The following CAD variants were observed in gnomAD, a reference collection of about 807,000 sequenced individuals.
CAD encodes the protein multifunctional protein CAD.
CAD carries 81 observed loss-of-function variants against 237.2 expected under a neutral mutation model. The ratio of observed to expected loss-of-function variants is 0.34; its 90% CI spans 0.29 to 0.41. The LOEUF (loss-of-function observed/expected upper bound fraction) is 0.41, where lower values mean the gene tolerates loss of function less well. Ranked by LOEUF, CAD falls within the 10% of genes least tolerant of loss-of-function variation. CAD has a pLI of 1.00. For synonymous variants in CAD, 1,196 were observed against 1,162.8 expected, an observed-to-expected ratio of 1.03 and a Z score of -0.58; for missense variants, 2,181 against 2,951.7, an observed-to-expected ratio of 0.74 and a Z score of 6.05.
intron 1 of CAD, 89 bp downstream of exon 1, chr2:27,217,722 C>G: frequency 7.0e-7 from 1 of 1,432,436 alleles, no homozygotes; most frequent in Non-Finnish European, 9.5e-7. Context: ...CCGCCATTTT[C>G]CCGCCAGCGT....
At chr2:27,238,231 G>A in intron 30 of CAD, 44 bp downstream of exon 30, 1 of 1,605,380 alleles carries the variant, frequency 6.2e-7, no homozygotes, top group Non-Finnish European at 8.5e-7. Flanking sequence ...TGCTTTCCCA[G>A]TAACACCAAA....
At position 27,243,608 on chromosome 2, in the gene CAD, C is replaced by T; in HGVS notation, c.*90C>T. ...TACGGGGGCAGCACACTTAGATATT[C>T]CTGGACATCCAGATAGCTCACATGT... is the stretch of plus-strand genomic sequence containing the variant. On this transcript the variant is annotated 3_prime_UTR_variant, in exon 44 of 44. Coordinates refer to ENST00000264705, the MANE Select transcript of CAD (RefSeq NM_004341.5). 1 of 974,118 alleles carries T rather than the reference C, an allele frequency of 1.0e-6. No individual in the cohort carries two copies. Among genetic ancestry groups the T allele is most frequent in the South Asian group, 1.5e-5 (1 of 67,678 alleles). 60.3% of individuals were successfully genotyped at this position (974,118 alleles called of 1,614,324 possible).
At chr2:27,230,119 T>G (rs979915544) in intron 15 of CAD, among the ~76,000 whole-genome samples, 4 of 151,828 alleles carry the variant, frequency 2.6e-5, no homozygotes, top group African/African-American at 9.7e-5. Context: ...GTGCCTGTAA[T>G]CCCAGCTACT....
Position 27,243,688 on chromosome 2 carries a change from CAG to C in CAD, c.*172_*173del. 1.6e-6 allele frequency: 1 copy of C among 617,264 alleles called. No individual in the cohort carries two copies. Among genetic ancestry groups the C allele is most frequent in the Non-Finnish European group, 2.9e-6 (1 of 347,894 alleles). The allele number at this position is 617,264 out of a possible 1,614,324, so 38.2% of individuals were successfully genotyped here. On this transcript the variant is annotated 3_prime_UTR_variant, in exon 44 of 44. Transcript: ENST00000264705. ...GCTCTCTGGCATGGGGGTGGGGCCT[CAG>C]ATGCTGGGGCCCAGTCTGCCCCATC...
Position 27,236,224 on chromosome 2 carries a change from G to A in CAD, c.4075-60G>A. 1.3e-6 allele frequency: 2 copies of A among 1,592,284 alleles called. No homozygotes were observed. The highest frequency in any genetic ancestry group is 2.2e-5 in the East Asian group (1 of 44,644). On this transcript the variant is annotated intron_variant, in intron 25 of 43. Coordinates refer to ENST00000264705, the MANE Select transcript of CAD (RefSeq NM_004341.5). This position sits in a 1 kb window ranked among gnomAD's most constrained non-coding sequence, Gnocchi z 4.1. The stretch of plus-strand genomic sequence containing the variant: ...TCCTGGGCCAGCTCCTCTCCCTTAA[G>A]GCTAGCCTTCCTGACCGCTGCCAGA...
rs1404687446 is a variant in CAD at position 27,234,535 on chromosome 2, T to C, written c.3636T>C (p.Val1212=). ...QLIAKDDQLK[V]IECNVRVSRS... ...TGCCCCAGGATGACCAGCTGAAAGT[T>C]ATTGAATGCAACGTACGTGTCTCTC... Residue 1212 remains valine (V), a synonymous_variant, in exon 23 of 44, where the codon GTT becomes GTC. Transcript: ENST00000264705. The C allele has an allele frequency of 1.2e-6, 2 of 1,613,838 alleles. No individual in the cohort carries two copies. The highest frequency in any genetic ancestry group is 1.7e-6 in the Non-Finnish European group (2 of 1,179,886).
chr2:27,225,259 G>A lies in CAD; in HGVS notation c.1620+16G>A, dbSNP rs1276805747. 2.7e-6 allele frequency: 4 copies of A among 1,492,054 alleles called. No homozygotes were observed. The Admixed American group carries it at 6.9e-5, about 26-fold the overall frequency. 92.4% of individuals were successfully genotyped at this position (1,492,054 alleles called of 1,614,324 possible). Reference sequence around the variant, plus strand: ...TCTTGAACAGGTTGGAGGGGTGTTTGGGTAAAGGAAGAATGGTGGTGTTTT... The same window carrying A: ...TCTTGAACAGGTTGGAGGGGTGTTTAGGTAAAGGAAGAATGGTGGTGTTTT... On this transcript the variant is annotated intron_variant, in intron 11 of 43. Transcript: ENST00000264705.
At chr2:27,234,780 C>G in intron 23 of CAD, 95 bp downstream of exon 23, 2 of 1,215,430 alleles carry the variant, frequency 1.6e-6, no homozygotes, top group Non-Finnish European at 2.3e-6. Context: ...CAGGCACTGA[C>G]TGCAAGGCAT....
intron 2 of CAD, among the ~76,000 whole-genome samples, chr2:27,220,526 T>G (rs1188271961): frequency 6.6e-6 from 1 of 151,960 alleles, no homozygotes; most frequent in Non-Finnish European, 1.5e-5. Context: ...GATCCACACC[T>G]GTGGTCCCAA....
chr2:27,224,640 G>A, intron 9 of CAD, 105 bp from the exon 10 acceptor site: 5 of 1,541,162 alleles, frequency 3.2e-6, no homozygotes, highest in Non-Finnish European at 4.4e-6. Context: ...TCAATTATTA[G>A]GGGCCAAGAG....
Position 27,243,615 on chromosome 2 carries a change from A to T in CAD, c.*97A>T, listed in dbSNP as rs1205460363. The T allele has an allele frequency of 9.6e-6, 9 of 933,494 alleles. No homozygotes were observed. Among genetic ancestry groups the T allele is most frequent in the Non-Finnish European group, 1.0e-5 (6 of 602,482 alleles). The allele number at this position is 933,494 out of a possible 1,614,324, so 57.8% of individuals were successfully genotyped here. A position where few individuals can be genotyped will look rare whatever the true frequency, so the allele number is the denominator to read the frequency against. On this transcript the variant is annotated 3_prime_UTR_variant, in exon 44 of 44. Transcript: ENST00000264705. The stretch of plus-strand genomic sequence containing the variant: ...GCAGCACACTTAGATATTCCTGGAC[A>T]TCCAGATAGCTCACATGTGCTGACC...
At chr2:27,219,368 G>A (rs751338328) in intron 2 of CAD, among the ~76,000 whole-genome samples, 5 of 151,588 alleles carry the variant, frequency 3.3e-5, no homozygotes, top group East Asian at 3.9e-4. Flanking sequence ...TGGGGACAAG[G>A]TCTCACTTTG....
chr2:27,226,119 C>A lies in CAD; in HGVS notation c.1843-12C>A. ...TGCTTGGCAGTGACCTCCATGGCACCCCCCTTCACAGGTGTGTAACATGGA... is the reference window on the plus strand; with the variant it reads ...TGCTTGGCAGTGACCTCCATGGCACACCCCTTCACAGGTGTGTAACATGGA... On this transcript the variant is annotated splice_polypyrimidine_tract_variant and intron_variant, in intron 12 of 43. Coordinates refer to ENST00000264705, the MANE Select transcript of CAD (RefSeq NM_004341.5). 1 of 1,612,002 alleles carries A rather than the reference C, an allele frequency of 6.2e-7. No individual in the cohort carries two copies. Among genetic ancestry groups the A allele is most frequent in the Non-Finnish European group, 8.5e-7 (1 of 1,178,308 alleles).
Position 27,236,161 on chromosome 2 carries a change from T to G in CAD, c.4075-123T>G. 1 of 1,303,638 alleles carries G rather than the reference T, an allele frequency of 7.7e-7. No homozygotes were observed. Among genetic ancestry groups the G allele is most frequent in the South Asian group, 1.4e-5 (1 of 69,380 alleles). The allele number at this position is 1,303,638 out of a possible 1,614,324, so 80.8% of individuals were successfully genotyped here. The stretch of plus-strand genomic sequence containing the variant: ...AGTATCAAATAGAGGCAGCCCTCAG[T>G]GCCCACCCTATGGGTCCTCAGTCTC... On this transcript the variant is annotated intron_variant, in intron 25 of 43. Coordinates refer to ENST00000264705, the MANE Select transcript of CAD (RefSeq NM_004341.5). This position sits in a 1 kb window ranked among gnomAD's most constrained non-coding sequence, Gnocchi z 4.1.
At chr2:27,229,901 A>G (rs1435042566) in intron 15 of CAD, among the ~76,000 whole-genome samples, 1 of 151,124 alleles carries the variant, frequency 6.6e-6, no homozygotes, top group African/African-American at 2.4e-5. Flanking sequence ...AAAAAGCTAA[A>G]TGTCCTTCAG....
In CAD at chr2:27,235,637, C is replaced by G. The variant is rs749479741; in HGVS notation, c.4071C>G (p.Val1357=). The G allele has an allele frequency of 1.9e-6, 3 of 1,613,764 alleles. No individual in the cohort carries two copies. The highest frequency in any genetic ancestry group is 1.7e-5 in the Admixed American group (1 of 59,986). Residue 1357 remains valine, a synonymous_variant, in exon 25 of 44, where the codon GTC becomes GTG. Transcript: ENST00000264705. This position sits in a 1 kb window ranked among gnomAD's most constrained non-coding sequence, Gnocchi z 5.2. ...CTGACTTCTACACTGAGCATGGCGT[C>G]AAGGTGCAGGAACTCTGGCAACCTA... is the stretch of plus-strand genomic sequence containing the variant. ...GTADFYTEHG[V]KVTAVDWHFE... is the part of the protein sequence containing the mutation.
In CAD at chr2:27,240,150, A is replaced by G. The variant is rs1676234477; in HGVS notation, c.5497-115A>G. Reference sequence around the variant, plus strand: ...CAGCTACTTGGGAGGCTGAGGCAGGAGAATTGCTTGAACCCAGAAGGTCAC... The same window carrying G: ...CAGCTACTTGGGAGGCTGAGGCAGGGGAATTGCTTGAACCCAGAAGGTCAC... On this transcript the variant is annotated intron_variant, in intron 34 of 43. Transcript: ENST00000264705. This position sits in a 1 kb window ranked among gnomAD's most constrained non-coding sequence, Gnocchi z 4.6. 3.7e-6 allele frequency: 3 copies of G among 818,560 alleles called. No individual in the cohort carries two copies. Among genetic ancestry groups the G allele is most frequent in the Admixed American group, 4.5e-5 (2 of 44,512 alleles). 50.7% of individuals were successfully genotyped at this position (818,560 alleles called of 1,614,324 possible).
intron 9 of CAD, 30 bp from the exon 10 acceptor site, chr2:27,224,715 G>A: frequency 6.2e-7 from 1 of 1,614,118 alleles, no homozygotes. Context: ...TTCTTCAGCA[G>A]AGGCTGAGAT....
intron 13 of CAD, 61 bp from the exon 14 acceptor site, chr2:27,226,464 T>C: frequency 1.9e-6 from 3 of 1,590,408 alleles, no homozygotes; most frequent in Non-Finnish European, 2.6e-6. Context: ...TTTCTCTCCT[T>C]TCTGAGACCT....
Sources: allele counts gnomAD v4.1 joint callset (sites outside exome capture counted in the v4.1 genomes callset), GRCh38; gene constraint gnomAD v4.1.1; non-coding constraint Gnocchi (gnomAD v3.1); transcripts MANE v1.5; gene names NCBI Gene and HGNC (gene_info 2026-07-23, HGNC 2026-07-21).